Variants in BMPR1B observed in about 807,000 individuals in gnomAD.
The protein encoded by BMPR1B is bone morphogenetic protein receptor type-1B.
A neutral mutation model predicts 59.1 loss-of-function variants in BMPR1B; 12 were observed. The observed-to-expected ratio is 0.20, with a 90% CI of 0.13 to 0.33. BMPR1B has a LOEUF of 0.33. Ranked by LOEUF, BMPR1B falls within the 10% of genes least tolerant of loss-of-function variation. BMPR1B has a pLI of 1.00. For synonymous variants in BMPR1B, 237 were observed against 207.3 expected (o/e 1.14, Z -1.23); for missense variants, 550 against 610.9 (o/e 0.90, Z 1.05).
intron 8 of BMPR1B, among the ~76,000 whole-genome samples, chr4:95,125,363 G>A (rs1732833878): frequency 6.6e-6 from 1 of 152,164 alleles, no homozygotes; most frequent in African/African-American, 2.4e-5. Flanking sequence ...CTGATGAAGA[G>A]CAGATTAGAA....
At chr4:95,150,625 T>C (rs1439591945) in intron 11 of BMPR1B, among the ~76,000 whole-genome samples, 1 of 152,210 alleles carries the variant, frequency 6.6e-6, no homozygotes, top group African/African-American at 2.4e-5. Context: ...TTTGAAAGCC[T>C]GTGGGCCAAA....
chr4:95,086,140 A>G (rs1473169809), intron 3 of BMPR1B, among the ~76,000 whole-genome samples: 1 of 152,200 alleles, frequency 6.6e-6, no homozygotes, highest in Non-Finnish European at 1.5e-5. Flanking sequence ...AGCTATGACT[A>G]TTAGGTCATT....
At chr4:95,079,116 A>G (rs568809601) in intron 3 of BMPR1B, among the ~76,000 whole-genome samples, 1 of 152,352 alleles carries the variant, frequency 6.6e-6, no homozygotes, top group East Asian at 1.9e-4. Flanking sequence ...GAAATGTTAG[A>G]AAAACCCAGC....
chr4:94,998,825 A>G (rs17403454), intron 3 of BMPR1B, among the ~76,000 whole-genome samples: 40,790 of 151,894 alleles, frequency 0.27, 6,387 homozygotes, highest in South Asian at 0.43. Context: ...CTTTTGTTCT[A>G]TATTAATCTT....
At chr4:95,016,574 A>G (rs1723601537) in intron 3 of BMPR1B, among the ~76,000 whole-genome samples, 1 of 152,220 alleles carries the variant, frequency 6.6e-6, no homozygotes, top group African/African-American at 2.4e-5. Flanking sequence ...GGTATTTTGA[A>G]TTATTTTGCA....
chr4:94,967,475 CCTT>C (rs1730596961), intron 2 of BMPR1B, among the ~76,000 whole-genome samples: 2 of 151,758 alleles, frequency 1.3e-5, no homozygotes, highest in African/African-American at 4.8e-5. Context: ...TCTCCTCTCT[CCTT>C]CTCTTTCTTT....
intron 1 of BMPR1B, among the ~76,000 whole-genome samples, chr4:94,793,677 CTGT>C (rs1217128759): frequency 6.9e-6 from 1 of 145,962 alleles, no homozygotes; most frequent in African/African-American, 2.5e-5. Context: ...TCTCCAGCAC[CTGT>C]TGTTTCCTGA....
Position 94,884,135 on chromosome 4 carries a change from A to G in BMPR1B, c.-113+8235A>G, listed in dbSNP as rs867871696. ...GTGGTCTTCCAAGGTTTCAAAAGTA[A>G]TGATCTAACTTCCTCAATTGAAAGC... On this transcript the variant is annotated intron_variant, in intron 2 of 12. Transcript: ENST00000515059. Among the ~76,000 whole-genome samples, 10 of 152,316 alleles carry G rather than the reference A, an allele frequency of 6.6e-5. No individual in the cohort carries two copies. The Middle Eastern group carries it at 0.01, about 155-fold the overall frequency.
In BMPR1B at chr4:95,010,838, C is replaced by T. The variant is rs373786094; in HGVS notation, c.-18+14704C>T. 1.6e-4 allele frequency among the ~76,000 whole-genome samples: 24 copies of T among 152,230 alleles called. No homozygotes were observed. In the East Asian group the frequency reaches 3.1e-3, roughly 20 times the overall value. On this transcript the variant is annotated intron_variant, in intron 3 of 12. Coordinates refer to ENST00000515059, the MANE Select transcript of BMPR1B (RefSeq NM_001203.3). ...AAAATGGGTTGACAGATTCTCTCTC[C>T]TACTAGAAAGTGTTAGGGTCACTCT...
At chr4:95,149,191 T>A (rs1047956877) in intron 11 of BMPR1B, among the ~76,000 whole-genome samples, 1 of 152,138 alleles carries the variant, frequency 6.6e-6, no homozygotes, top group Non-Finnish European at 1.5e-5. Flanking sequence ...CTGTGTATTG[T>A]CTTATTTCTG....
chr4:95,125,152 G>A, intron 8 of BMPR1B, 31 bp downstream of exon 8: 1 of 1,612,378 alleles, frequency 6.2e-7, no homozygotes, highest in Non-Finnish European at 8.5e-7. Context: ...GAATTTAAAG[G>A]AAATGTTTTC....
chr4:94,772,344 G>A (rs112132168), intron 1 of BMPR1B, among the ~76,000 whole-genome samples: 1 of 152,162 alleles, frequency 6.6e-6, no homozygotes, highest in African/African-American at 2.4e-5. Context: ...CTGTGGCAGT[G>A]GAGTTCAGCT....
chr4:94,773,470 T>G (rs1428911081), intron 1 of BMPR1B, among the ~76,000 whole-genome samples: 1 of 152,080 alleles, frequency 6.6e-6, no homozygotes, highest in African/African-American at 2.4e-5. Flanking sequence ...CAGAGTACCA[T>G]TTACACAATT....
intron 2 of BMPR1B, among the ~76,000 whole-genome samples, chr4:94,953,651 G>A (rs1249019129): frequency 6.6e-6 from 1 of 152,162 alleles, no homozygotes; most frequent in Non-Finnish European, 1.5e-5. Flanking sequence ...GCTTTCATTT[G>A]TGGGTAACCT....
At chr4:94,829,849 A>C (rs1450012718) in intron 1 of BMPR1B, among the ~76,000 whole-genome samples, 1 of 152,204 alleles carries the variant, frequency 6.6e-6, no homozygotes, top group Admixed American at 6.5e-5. Context: ...GATTGGCTTG[A>C]AAAATAGTGC....
intron 1 of BMPR1B, among the ~76,000 whole-genome samples, chr4:94,780,440 T>C (rs1722544551): frequency 6.6e-6 from 1 of 152,176 alleles, no homozygotes; most frequent in Non-Finnish European, 1.5e-5. Context: ...ATTTGTGTTG[T>C]TTATACTTTT....
At chr4:95,096,338 A>C (rs1730372446) in intron 3 of BMPR1B, among the ~76,000 whole-genome samples, 1 of 151,742 alleles carries the variant, frequency 6.6e-6, no homozygotes, top group Admixed American at 6.6e-5. Context: ...CAGGATATTC[A>C]AGAAAAATAA....
intron 3 of BMPR1B, among the ~76,000 whole-genome samples, chr4:95,058,121 T>A (rs945845389): frequency 6.6e-6 from 1 of 152,192 alleles, no homozygotes; most frequent in African/African-American, 2.4e-5. Flanking sequence ...TTTATTGAAA[T>A]GGTAGTTGCA....
intron 2 of BMPR1B, among the ~76,000 whole-genome samples, chr4:94,944,117 A>G (rs1217977475): frequency 1.3e-5 from 2 of 152,116 alleles, no homozygotes; most frequent in Admixed American, 1.3e-4. Flanking sequence ...ATGAAACATA[A>G]ATGAATTTCA....
Sources: gnomAD v4.1 joint callset for allele counts (sites outside exome capture counted in the v4.1 genomes callset) on GRCh38, gnomAD v4.1.1 for gene constraint, MANE v1.5 for transcripts, NCBI Gene and HGNC (gene_info 2026-07-23, HGNC 2026-07-21) for gene names.